Variants in NRXN3 observed in about 807,000 individuals in gnomAD.
NRXN3 encodes neurexin 3, also known as neurexin III.
In NRXN3, 32 loss-of-function variants were observed where a neutral mutation model predicts 137.6. That is an observed-to-expected ratio of 0.23 (90% CI 0.18 to 0.31). The LOEUF is 0.31. Ranked by LOEUF, NRXN3 falls within the 10% of genes least tolerant of loss-of-function variation. NRXN3 has a pLI of 1.00. For synonymous variants in NRXN3, 798 were observed against 784.5 expected (o/e 1.02, Z -0.29); for missense variants, 1,574 against 2,062.5 (o/e 0.76, Z 4.59).
intron 15 of NRXN3, among the ~76,000 whole-genome samples, chr14:79,317,246 A>C (rs922626368): frequency 5.3e-5 from 8 of 152,158 alleles, no homozygotes; most frequent in African/African-American, 1.9e-4. Context: ...AAAGAAAAAA[A>C]AAGTGTTGGC....
At chr14:78,237,238 A>G (rs2066435304) in intron 1 of NRXN3, among the ~76,000 whole-genome samples, 2 of 152,202 alleles carry the variant, frequency 1.3e-5, no homozygotes, top group Admixed American at 1.3e-4. Flanking sequence ...CAGTGACAAC[A>G]GTTTTTTATG....
chr14:78,534,119 T>A (rs1220440107), intron 4 of NRXN3, among the ~76,000 whole-genome samples: 1 of 152,214 alleles, frequency 6.6e-6, no homozygotes, highest in African/African-American at 2.4e-5. Flanking sequence ...GCCCCAATTG[T>A]GTAAATACTA....
chr14:78,529,906 C>T (rs59241723), intron 4 of NRXN3, among the ~76,000 whole-genome samples: 103,991 of 152,122 alleles, frequency 0.68, 35,755 homozygotes, highest in East Asian at 0.72. Context: ...AGGCAGGAGC[C>T]TGGCTTTGCT....
rs924969516 is a variant in NRXN3, at chr14:78,243,882, T to A, written c.709+80T>A. 6.5e-5 allele frequency: 65 copies of A among 997,564 alleles called. 1 individual carries two copies. Among genetic ancestry groups the A allele is most frequent in the Non-Finnish European group, 1.3e-5 (9 of 676,144 alleles). The allele number at this position is 997,564 out of a possible 1,614,324, so 61.8% of individuals were successfully genotyped here. A position where few individuals can be genotyped will look rare whatever the true frequency, so the allele number is the denominator to read the frequency against. On this transcript the variant is annotated intron_variant, in intron 2 of 20. Transcript: ENST00000335750. This position sits in a 1 kb window ranked among gnomAD's most constrained non-coding sequence, Gnocchi z 4.2. ...GGGCTCCTGATACAAACCAGTTCTA[T>A]ATGGATGCATATCTTTAGCTGCATG...
At chr14:78,807,746 A>C (rs1373345786) in intron 9 of NRXN3, among the ~76,000 whole-genome samples, 1 of 132,418 alleles carries the variant, frequency 7.6e-6, no homozygotes, top group African/African-American at 2.8e-5. Flanking sequence ...AAAAAAAAAA[A>C]AAAAAAAAAG....
chr14:79,026,013 G>A (rs888694853), intron 15 of NRXN3, among the ~76,000 whole-genome samples: 12 of 152,160 alleles, frequency 7.9e-5, no homozygotes, highest in East Asian at 7.7e-4. Flanking sequence ...ATGTCTCATC[G>A]GTCAGCATTG....
intron 15 of NRXN3, among the ~76,000 whole-genome samples, chr14:79,038,843 C>T (rs192892740): frequency 6.6e-6 from 1 of 152,238 alleles, no homozygotes; most frequent in Admixed American, 6.5e-5. Flanking sequence ...CTTTCGTTCC[C>T]TGGTTCCATC....
intron 15 of NRXN3, among the ~76,000 whole-genome samples, chr14:79,274,936 G>C (rs142438150): frequency 4.5e-4 from 68 of 152,244 alleles, no homozygotes; most frequent in African/African-American, 1.5e-3. Flanking sequence ...TTTATACAAG[G>C]ATGCCATTGT....
chr14:78,321,251 A>G (rs2079327749), intron 4 of NRXN3, among the ~76,000 whole-genome samples: 1 of 152,020 alleles, frequency 6.6e-6, no homozygotes, highest in Non-Finnish European at 1.5e-5. Context: ...GCATGCTGCT[A>G]CTTTCCATCT....
intron 1 of NRXN3, among the ~76,000 whole-genome samples, chr14:78,176,132 G>C (rs2153336384): frequency 6.6e-6 from 1 of 152,256 alleles, no homozygotes; most frequent in East Asian, 1.9e-4. Flanking sequence ...GGGAAGGGTG[G>C]ACTTTGCCTC....
intron 15 of NRXN3, among the ~76,000 whole-genome samples, chr14:79,411,659 T>C (rs2095418962): frequency 6.6e-6 from 1 of 152,210 alleles, no homozygotes; most frequent in South Asian, 2.1e-4. Context: ...TCAAATGGTA[T>C]GTAGTAGAGT....
At chr14:78,473,109 A>G (rs957949619) in intron 4 of NRXN3, among the ~76,000 whole-genome samples, 2 of 152,090 alleles carry the variant, frequency 1.3e-5, no homozygotes, top group African/African-American at 4.8e-5. Context: ...TCTTTAAAAG[A>G]AAAACCTTTC....
intron 15 of NRXN3, among the ~76,000 whole-genome samples, chr14:79,170,950 A>G (rs2061718206): frequency 6.6e-6 from 1 of 152,074 alleles, no homozygotes; most frequent in Admixed American, 6.6e-5. Context: ...TCAAAATACT[A>G]CTTTTTCAAG....
intron 4 of NRXN3, among the ~76,000 whole-genome samples, chr14:78,589,978 A>C (rs2097102288): frequency 6.6e-6 from 1 of 152,018 alleles, no homozygotes; most frequent in South Asian, 2.1e-4. Context: ...ACAAAAAAAC[A>C]AACAAACAAA....
At chr14:79,751,075 A>G (rs2098995914) in intron 19 of NRXN3, among the ~76,000 whole-genome samples, 1 of 152,068 alleles carries the variant, frequency 6.6e-6, no homozygotes, top group African/African-American at 2.4e-5. Context: ...GTTCCATATG[A>G]ACTTTAAAGT....
chr14:79,784,614 C>CTTTTTTTTTTTTTT (rs540234381), intron 19 of NRXN3, among the ~76,000 whole-genome samples: 9 of 76,616 alleles, frequency 1.2e-4, no homozygotes, highest in Admixed American at 3.1e-4. Flanking sequence ...TGTTGTGTTG[C>CTTTTTTTTTTTTTT]TTTTTTTTTT....
intron 4 of NRXN3, among the ~76,000 whole-genome samples, chr14:78,598,368 CAGAG>C (rs150100623): frequency 1.3e-5 from 2 of 149,066 alleles, no homozygotes; most frequent in African/African-American, 2.4e-5. Flanking sequence ...TGAGATTCTG[CAGAG>C]AGAGAGAGAG....
rs186034014 is a variant in NRXN3, at chr14:78,967,302, G to A, written c.2872G>A (p.Val958Ile). The change falls in exon 13 of 21, where the codon GTC (valine) becomes ATC (isoleucine). Residue 958 changes from valine (V) to isoleucine (I), a missense_variant. By Grantham distance (29) the Val-to-Ile change is conservative. Coordinates refer to ENST00000335750, the MANE Select transcript of NRXN3 (RefSeq NM_001330195.2). Reference protein sequence around the residue: ...PLNDNQWHNVVITRDNSNTHS... With the variant: ...PLNDNQWHNVIITRDNSNTHS... ...GAATGACAACCAGTGGCACAATGTC[G>A]TCATCACTCGGGACAATAGTAACAC... 2.8e-5 allele frequency: 45 copies of A among 1,613,630 alleles called. No homozygotes were observed. The highest frequency in any genetic ancestry group is 1.5e-4 in the African/African-American group (11 of 74,836).
intron 1 of NRXN3, among the ~76,000 whole-genome samples, chr14:78,199,623 C>T (rs1013542204): frequency 3.9e-5 from 6 of 152,180 alleles, no homozygotes; most frequent in African/African-American, 1.4e-4. Context: ...CCTGGCTTCT[C>T]TGACCCCATG....
Sources: gnomAD v4.1 joint callset for allele counts (sites outside exome capture counted in the v4.1 genomes callset) on GRCh38, gnomAD v4.1.1 for gene constraint, Gnocchi (gnomAD v3.1) non-coding constraint, MANE v1.5 for transcripts, NCBI Gene and HGNC (gene_info 2026-07-23, HGNC 2026-07-21) for gene names.